Variants in ZEB1 observed in about 807,000 individuals in gnomAD.
ZEB1 encodes the protein zinc finger E-box-binding homeobox 1.
Under a neutral mutation model 84.9 loss-of-function variants are expected in ZEB1, and 21 were observed. That is an observed-to-expected ratio of 0.25 (90% CI 0.18 to 0.36). ZEB1 has a LOEUF of 0.36. Among genes scored for constraint, ZEB1 ranks in the 10% least tolerant of loss-of-function variants. ZEB1 has a pLI of 1.00. For synonymous variants in ZEB1, 420 were observed against 471.1 expected (o/e 0.89, Z 1.41); for missense variants, 1,104 against 1,330.2 (o/e 0.83, Z 2.65).
chr10:31,360,879 C>T, intron 1 of ZEB1: 1 of 1,182,702 alleles, frequency 8.5e-7, no homozygotes, highest in Non-Finnish European at 1.2e-6. Context: ...AGTGGCGTTA[C>T]AGTGAGCTGC....
chr10:31,359,792 C>G (rs2042701192), intron 1 of ZEB1, among the ~76,000 whole-genome samples: 1 of 152,128 alleles, frequency 6.6e-6, no homozygotes, highest in African/African-American at 2.4e-5. Flanking sequence ...TAACAAACAC[C>G]TATCTTCTTT....
chr10:31,333,203 A>G (rs555377298), intron 1 of ZEB1, among the ~76,000 whole-genome samples: 1 of 152,216 alleles, frequency 6.6e-6, no homozygotes, highest in African/African-American at 2.4e-5. Context: ...AGCTATTTTA[A>G]GGTTTCACAG....
chr10:31,351,172 A>G (rs914637620), intron 1 of ZEB1, among the ~76,000 whole-genome samples: 1 of 152,172 alleles, frequency 6.6e-6, no homozygotes, highest in Non-Finnish European at 1.5e-5. Flanking sequence ...TCTTGAATGT[A>G]TATTTTCTAG....
At chr10:31,435,414 A>T (rs2058171370) in intron 1 of ZEB1, among the ~76,000 whole-genome samples, 1 of 152,246 alleles carries the variant, frequency 6.6e-6, no homozygotes, top group African/African-American at 2.4e-5. Context: ...ACAATAGAAA[A>T]CTAATACAGA....
In ZEB1 at chr10:31,429,151, T is replaced by C. The variant is rs376777335; in HGVS notation, c.59-31886T>C. ...GCAGACTTGTTTATGTGGTTGACTT[T>C]ATAGTGCCACTGGTCTGTGTACTTC... On this transcript the variant is annotated intron_variant, in intron 1 of 8. Coordinates refer to ENST00000424869, the MANE Select transcript of ZEB1 (RefSeq NM_001174096.2). Among the ~76,000 whole-genome samples the C allele has an allele frequency of 8.5e-5, 13 of 152,322 alleles. No homozygotes were observed. The East Asian group carries it at 2.3e-3, about 27-fold the overall frequency.
Position 31,386,279 on chromosome 10 carries a change from T to C in ZEB1, c.58+66987T>C, listed in dbSNP as rs145804272. Among the ~76,000 whole-genome samples, 1,424 of 151,912 alleles carry C rather than the reference T, an allele frequency of 9.4e-3. 24 individuals are homozygous for C. Among genetic ancestry groups the C allele is most frequent in the African/African-American group, 0.033 (1,359 of 41,516 alleles). On this transcript the variant is annotated intron_variant, in intron 1 of 8. Coordinates refer to ENST00000424869, the MANE Select transcript of ZEB1 (RefSeq NM_001174096.2). ...TTTCAAGGAATTTGGATTATAATGATTTATTTATAGTATTTTTGTCATTAA... is the reference window on the plus strand; with the variant it reads ...TTTCAAGGAATTTGGATTATAATGACTTATTTATAGTATTTTTGTCATTAA...
At chr10:31,370,107 C>T (rs1039737640) in intron 1 of ZEB1, among the ~76,000 whole-genome samples, 1 of 152,062 alleles carries the variant, frequency 6.6e-6, no homozygotes, top group South Asian at 2.1e-4. Flanking sequence ...TAGATATTAA[C>T]CCCTTATTAA....
intron 2 of ZEB1, among the ~76,000 whole-genome samples, chr10:31,480,453 A>C (rs2064894236): frequency 6.6e-6 from 1 of 152,070 alleles, no homozygotes; most frequent in Non-Finnish European, 1.5e-5. Flanking sequence ...GAGGTGGTGT[A>C]TGATTTAGAA....
In ZEB1 at chr10:31,321,505, C is replaced by T. The variant is rs893477173; in HGVS notation, c.58+2213C>T. 5 of 1,613,790 alleles carry T rather than the reference C, an allele frequency of 3.1e-6. No homozygotes were observed. The African/African-American group carries it at 5.3e-5, about 17-fold the overall frequency. ...TGTGTGTTCCATATTGAGCTGTTGC[C>T]GCTGTTGCTGATGTGGCTTTATGAA... On this transcript the variant is annotated intron_variant, in intron 1 of 8. Coordinates refer to ENST00000424869, the MANE Select transcript of ZEB1 (RefSeq NM_001174096.2).
chr10:31,448,818 C>G (rs1400140867), intron 1 of ZEB1, among the ~76,000 whole-genome samples: 5 of 152,190 alleles, frequency 3.3e-5, no homozygotes, highest in Admixed American at 3.3e-4. Flanking sequence ...CTCTTCAAAG[C>G]TGTCAGACAG....
At chr10:31,419,969 A>G (rs2055874059) in intron 1 of ZEB1, among the ~76,000 whole-genome samples, 1 of 152,284 alleles carries the variant, frequency 6.6e-6, no homozygotes, top group Non-Finnish European at 1.5e-5. Context: ...TCCCAGCCTC[A>G]GTATCTGGAA....
chr10:31,429,733 CTTTTTTTTTTTT>C (rs35031058), intron 1 of ZEB1, among the ~76,000 whole-genome samples: 8 of 79,548 alleles, frequency 1.0e-4, no homozygotes, highest in South Asian at 8.7e-4. Context: ...ACAGGCAGAA[CTTTTTTTTTTTT>C]TTTTTTTTTT....
chr10:31,428,884 TTTTTG>T (rs896907405), intron 1 of ZEB1, among the ~76,000 whole-genome samples: 2 of 152,184 alleles, frequency 1.3e-5, no homozygotes, highest in Admixed American at 6.5e-5. Flanking sequence ...CAACCCCTGC[TTTTTG>T]TTTTGTTTTG....
chr10:31,378,787 A>C (rs989066815), intron 1 of ZEB1, among the ~76,000 whole-genome samples: 3 of 152,010 alleles, frequency 2.0e-5, no homozygotes, highest in Admixed American at 6.6e-5. Context: ...AGACAATCCC[A>C]TCTTACACTG....
At chr10:31,443,493 T>C (rs1482449044) in intron 1 of ZEB1, among the ~76,000 whole-genome samples, 1 of 151,248 alleles carries the variant, frequency 6.6e-6, no homozygotes, top group East Asian at 2.0e-4. Flanking sequence ...ACATGTGCCA[T>C]GCTGGTGCGC....
chr10:31,518,438 A>G (rs560395828), intron 6 of ZEB1, among the ~76,000 whole-genome samples: 1 of 152,290 alleles, frequency 6.6e-6, no homozygotes, highest in East Asian at 1.9e-4. Flanking sequence ...TGGCATCAGG[A>G]CAAACTAGGA....
intron 2 of ZEB1, among the ~76,000 whole-genome samples, chr10:31,464,732 A>G (rs1458965128): frequency 6.6e-6 from 1 of 152,232 alleles, no homozygotes; most frequent in Non-Finnish European, 1.5e-5. Context: ...GATATATTCA[A>G]AGTGCCAAAA....
intron 1 of ZEB1, among the ~76,000 whole-genome samples, chr10:31,406,916 G>C (rs917443459): frequency 3.9e-5 from 6 of 151,992 alleles, no homozygotes; most frequent in Non-Finnish European, 8.8e-5. Flanking sequence ...CATATGGCTA[G>C]CCAGTTTTCC....
At chr10:31,424,006 T>A (rs148864460) in intron 1 of ZEB1, among the ~76,000 whole-genome samples, 6 of 152,140 alleles carry the variant, frequency 3.9e-5, no homozygotes, top group African/African-American at 1.4e-4. Context: ...ATATTTGCTT[T>A]TGTTTTTTTG....
Sources: gnomAD v4.1 joint callset for allele counts (sites outside exome capture counted in the v4.1 genomes callset) on GRCh38, gnomAD v4.1.1 for gene constraint, MANE v1.5 for transcripts, NCBI Gene and HGNC (gene_info 2026-07-23, HGNC 2026-07-21) for gene names.